The following TNK2 variants were observed in gnomAD, a reference collection of about 807,000 sequenced individuals.
TNK2 encodes activated CDC42 kinase 1.
In TNK2, 83 loss-of-function variants were observed where a neutral mutation model predicts 101.8. That is an observed-to-expected ratio of 0.82 (90% CI 0.68 to 0.98). TNK2 has a LOEUF of 0.98. Among genes scored for constraint, TNK2 ranks in the 50% least tolerant of loss-of-function variants. The probability of loss-of-function intolerance (pLI) is 0.00; values close to 1 mark genes in which losing one functional copy is unlikely to be tolerated. For synonymous variants in TNK2, 804 were observed against 633.0 expected (o/e 1.27, Z -4.06); for missense variants, 1,665 against 1,483.2 (o/e 1.12, Z -2.01).
chr3:195,893,860 C>T (rs1048905126), intron 1 of TNK2, among the ~76,000 whole-genome samples: 2 of 152,202 alleles, frequency 1.3e-5, no homozygotes, highest in Non-Finnish European at 2.9e-5. Context: ...TCCCAGGCTC[C>T]CTTCCCAGGG....
At chr3:195,883,048 A>T (rs1753916993) in intron 5 of TNK2, 109 bp downstream of exon 5, 1 of 1,399,072 alleles carries the variant, frequency 7.1e-7, no homozygotes, top group Non-Finnish European at 9.7e-7. Flanking sequence ...TTGGGGGACC[A>T]AAGTAGGATC....
intron 1 of TNK2, chr3:195,892,366 G>A: frequency 2.0e-6 from 3 of 1,492,458 alleles, no homozygotes; most frequent in Non-Finnish European, 2.7e-6. Context: ...TGGTGCTGAG[G>A]AGCCCAACCA....
At chr3:195,866,723 G>A (rs1177498817) in intron 15 of TNK2, among the ~76,000 whole-genome samples, 166 bp downstream of exon 15, 1 of 152,230 alleles carries the variant, frequency 6.6e-6, no homozygotes, top group East Asian at 1.9e-4. Flanking sequence ...ACACATTTAG[G>A]AAAAACGATT....
In TNK2 at chr3:195,882,414, T is replaced by G. The variant is rs1753570576; in HGVS notation, c.610-86A>C. The stretch of plus-strand genomic sequence containing the variant: ...CACGCTGGGCCCCCAGTCCCCTTCC[T>G]GAAGGCTTTCCAGAGCCAGGCTGCA... On this transcript the variant is annotated intron_variant, in intron 5 of 15. Transcript: ENST00000672887. This position sits in a 1 kb window ranked among gnomAD's most constrained non-coding sequence, Gnocchi z 4.2. 1.9e-6 allele frequency: 3 copies of G among 1,579,248 alleles called. No individual in the cohort carries two copies. Among genetic ancestry groups the G allele is most frequent in the Non-Finnish European group, 2.6e-6 (3 of 1,161,654 alleles).
chr3:195,864,369 A>ACT (rs745483326), intron 15 of TNK2, among the ~76,000 whole-genome samples, 182 bp from the exon 16 acceptor site: 29 of 152,128 alleles, frequency 1.9e-4, no homozygotes, highest in Non-Finnish European at 7.3e-5. Flanking sequence ...GAGTAAACTA[A>ACT]CAGAAGAGCA....
chr3:195,904,718 A>G (rs572777728), intron 1 of TNK2, among the ~76,000 whole-genome samples: 8 of 152,224 alleles, frequency 5.3e-5, no homozygotes, highest in Non-Finnish European at 8.8e-5. Flanking sequence ...AAAATAAAAA[A>G]CCAATACTAC....
intron 1 of TNK2, among the ~76,000 whole-genome samples, chr3:195,903,082 C>CA (rs1347119096): frequency 7.6e-6 from 1 of 132,188 alleles, no homozygotes; most frequent in Non-Finnish European, 1.6e-5. Context: ...TCTTTTGTGA[C>CA]AGAGTCGGAA....
Position 195,868,004 on chromosome 3 carries a change from G to A in TNK2, c.2294C>T (p.Thr765Met), listed in dbSNP as rs750728882. The A allele has an allele frequency of 1.5e-5, 24 of 1,569,828 alleles. No homozygotes were observed. The highest frequency in any genetic ancestry group is 7.7e-5 in the Admixed American group (4 of 52,142). ...TGGAGACAGCTGGACGTGTGGGCGC[G>A]TGGGCCGAGGGGGGATGGGTACCCG... ...PPRVPIPPRP[T>M]RPHVQLSPAP... is the part of the protein sequence containing the mutation. Residue 765 changes from threonine (T) to methionine (M), a missense_variant, in exon 13 of 16, where the codon ACG becomes ATG. Physicochemically the swap from Thr to Met is moderately conservative, Grantham distance 81. Around this residue, in one of 3 missense-constraint regions of TNK2, gnomAD observed 1,136 missense variants for 894.9 expected, o/e 1.27. Transcript: ENST00000672887.
At position 195,894,680 on chromosome 3, in the gene TNK2, CGCCCG is replaced by C. The variant is rs960704596; in HGVS notation, c.-18-6079_-18-6075del. On this transcript the variant is annotated intron_variant, in intron 1 of 15. Coordinates refer to ENST00000672887, the MANE Select transcript of TNK2 (RefSeq NM_001382273.1). ...CTGAGATGACAGGCGTGAGCCACCG[CGCCCG>C]GCCCGGCCCGGCCCCCTTTCTCCTC... 2.0e-3 allele frequency: 311 copies of C among 152,664 alleles called. 5 individuals carry two copies. Among genetic ancestry groups the C allele is most frequent in the African/African-American group, 6.5e-3 (271 of 41,538 alleles). 9.5% of individuals were successfully genotyped at this position (152,664 alleles called of 1,614,324 possible).
Position 195,869,516 on chromosome 3 carries a change from C to G in TNK2, c.1569G>C (p.Gln523His). 6.4e-7 allele frequency: 1 copy of G among 1,551,000 alleles called. No individual in the cohort carries two copies. The highest frequency in any genetic ancestry group is 8.7e-7 in the Non-Finnish European group (1 of 1,146,972). Residue 523 changes from glutamine to histidine, a missense_variant, in exon 12 of 16, where the codon CAG becomes CAC. Physicochemically the swap from Gln to His is conservative, Grantham distance 24. This residue lies in a region of TNK2 where 1,136 missense variants were observed against 894.9 expected (regional missense o/e 1.27). Coordinates refer to ENST00000672887, the MANE Select transcript of TNK2 (RefSeq NM_001382273.1). ...ACTTACTCTGAGTGAAGAAGGCAGG[C>G]TGAGGTGGGCGAGGTGGAGGCTCCC... ...VKREPPPRPP[Q>H]PAFFTQKPTY...
chr3:195,867,213 G>A lies in TNK2; in HGVS notation c.2989C>T (p.Gln997Ter). Residue 997 changes from glutamine to a stop codon, truncating the protein, a stop_gained, in exon 14 of 16, where the codon CAG becomes TAG. Transcript: ENST00000672887. LOFTEE classifies it high-confidence loss of function. ...CTCTGCACGCTCCAGCCGTGGCACT[G>A]CAGGGCCGCCTGGCACTCCTCTGTG... Reference protein sequence around the residue: ...VTTEECQAALQCHGWSVQRAA... With the variant: ...VTTEECQAAL 6.2e-7 allele frequency: 1 copy of A among 1,613,044 alleles called. No homozygotes were observed. Among genetic ancestry groups the A allele is most frequent in the Non-Finnish European group, 8.5e-7 (1 of 1,179,914 alleles).
chr3:195,899,771 C>T (rs1761017719), intron 1 of TNK2, among the ~76,000 whole-genome samples: 1 of 152,224 alleles, frequency 6.6e-6, no homozygotes, highest in Admixed American at 6.5e-5. Context: ...CGTAAGGGAA[C>T]CATCTGTCCA....
chr3:195,876,427 C>T (rs1462917555), intron 9 of TNK2: 1 of 456,808 alleles, frequency 2.2e-6, no homozygotes, highest in East Asian at 6.9e-5. Context: ...GATGCACACC[C>T]AGGCCCAAAG....
rs1755239294 is a variant in TNK2 at position 195,885,561 on chromosome 3, T to C, written c.235-528A>G. 1.5e-6 allele frequency: 2 copies of C among 1,290,502 alleles called. No individual in the cohort carries two copies. Among genetic ancestry groups the C allele is most frequent in the Non-Finnish European group, 2.0e-6 (2 of 989,472 alleles). 79.9% of individuals were successfully genotyped at this position (1,290,502 alleles called of 1,614,324 possible). On this transcript the variant is annotated intron_variant, in intron 3 of 15. Coordinates refer to ENST00000672887, the MANE Select transcript of TNK2 (RefSeq NM_001382273.1). This position sits in a 1 kb window ranked among gnomAD's most constrained non-coding sequence, Gnocchi z 4.7. ...CCTTCATCCTGCCCAGGGGAGAGGATAATTTTAGTCTGAGGTTGAACCGTG... is the reference window on the plus strand; with the variant it reads ...CCTTCATCCTGCCCAGGGGAGAGGACAATTTTAGTCTGAGGTTGAACCGTG...
chr3:195,883,128 GCCC>G, intron 5 of TNK2, 26 bp downstream of exon 5: 7 of 1,591,814 alleles, frequency 4.4e-6, no homozygotes, highest in Non-Finnish European at 6.0e-6. Flanking sequence ...CCCTCTCCCT[GCCC>G]GCCCCCTCCC....
At position 195,885,140 on chromosome 3, in the gene TNK2, TAG is replaced by T; in HGVS notation, c.235-109_235-108del. 1 of 1,251,436 alleles carries T rather than the reference TAG, an allele frequency of 8.0e-7. No homozygotes were observed. The highest frequency in any genetic ancestry group is 1.1e-6 in the Non-Finnish European group (1 of 915,238). The allele number at this position is 1,251,436 out of a possible 1,614,324, so 77.5% of individuals were successfully genotyped here. A position where few individuals can be genotyped will look rare whatever the true frequency, so the allele number is the denominator to read the frequency against. On this transcript the variant is annotated intron_variant, in intron 3 of 15. Coordinates refer to ENST00000672887, the MANE Select transcript of TNK2 (RefSeq NM_001382273.1). The surrounding 1 kb of genome is among the most constrained non-coding windows in gnomAD (Gnocchi z 4.7). ...GTGATCCCCGGCTTCGGCTTCCAGA[TAG>T]GTCCTGGTTTTGCCAAACTGTCAGT...
At chr3:195,898,870 G>A (rs1216900827) in intron 1 of TNK2, among the ~76,000 whole-genome samples, 9 of 152,138 alleles carry the variant, frequency 5.9e-5, no homozygotes, top group Admixed American at 2.6e-4. Flanking sequence ...CAAGGCAGGC[G>A]GATCACCTGA....
Position 195,867,707 on chromosome 3 carries a change from C to T in TNK2, c.2591G>A (p.Arg864Gln), listed in dbSNP as rs762813304. The change falls in exon 13 of 16, where the codon CGG (arginine) becomes CAG (glutamine). Residue 864 changes from arginine to glutamine, a missense_variant. By Grantham distance (43) the Arg-to-Gln change is conservative. Transcript: ENST00000672887. ...RAGPCILPIV[R>Q]DGKKVSSTHY... ...GGTGCTGCTGACCTTCTTGCCATCC[C>T]GGACGATGGGCAGGATGCAGGGACC... 34 of 1,607,824 alleles carry T rather than the reference C, an allele frequency of 2.1e-5. No individual in the cohort carries two copies. Among genetic ancestry groups the T allele is most frequent in the South Asian group, 2.2e-5 (2 of 90,642 alleles).
At chr3:195,895,288 T>C in intron 1 of TNK2, 2 of 1,571,010 alleles carry the variant, frequency 1.3e-6, no homozygotes, top group South Asian at 1.2e-5. Flanking sequence ...GGTAAGCAGA[T>C]CTCTCCCCCA....
Sources: allele counts gnomAD v4.1 joint callset (sites outside exome capture counted in the v4.1 genomes callset), GRCh38; gene constraint gnomAD v4.1.1; regional missense constraint gnomAD v4.1.1; non-coding constraint Gnocchi (gnomAD v3.1); transcripts MANE v1.5; gene names NCBI Gene and HGNC (gene_info 2026-07-23, HGNC 2026-07-21).